The following SVEP1 variants were observed in gnomAD, a reference collection of about 807,000 sequenced individuals.
The protein encoded by SVEP1 is sushi, von Willebrand factor type A, EGF and pentraxin domain-containing protein 1.
SVEP1 carries 164 observed loss-of-function variants against 367.3 expected under a neutral mutation model. The observed-to-expected ratio is 0.45, with a 90% CI of 0.39 to 0.51. SVEP1 has a LOEUF of 0.51. Among genes scored for constraint, SVEP1 ranks in the 20% least tolerant of loss-of-function variants. The probability of loss-of-function intolerance (pLI) is 0.00; values close to 1 mark genes in which losing one functional copy is unlikely to be tolerated. For missense variants in SVEP1, 4,117 were observed against 4,425.3 expected, an observed-to-expected ratio of 0.93 and a Z score of 1.98; for synonymous variants, 1,666 against 1,611.6, an observed-to-expected ratio of 1.03 and a Z score of -0.81.
intron 2 of SVEP1, among the ~76,000 whole-genome samples, chr9:110,548,989 G>A (rs1588103888): frequency 6.6e-6 from 1 of 152,086 alleles, no homozygotes; most frequent in African/African-American, 2.4e-5. Flanking sequence ...AGAAACTCCA[G>A]TAGAGCTAAC....
chr9:110,493,916 G>T (rs1361155712), intron 8 of SVEP1, among the ~76,000 whole-genome samples: 1 of 152,122 alleles, frequency 6.6e-6, no homozygotes, highest in Non-Finnish European at 1.5e-5. Context: ...GCTTTTAGAG[G>T]CTGCCTGCAT....
chr9:110,410,855 AG>A (rs1216994206), intron 37 of SVEP1, among the ~76,000 whole-genome samples: 3 of 152,218 alleles, frequency 2.0e-5, no homozygotes, highest in Non-Finnish European at 4.4e-5. Context: ...TCACAACCTT[AG>A]GCAGATGAAT....
chr9:110,432,937 G>A (rs1043280757), intron 30 of SVEP1, among the ~76,000 whole-genome samples: 3 of 152,174 alleles, frequency 2.0e-5, no homozygotes, highest in African/African-American at 7.2e-5. Flanking sequence ...TTGGAATTGG[G>A]GTCTTGTGGG....
intron 39 of SVEP1, among the ~76,000 whole-genome samples, chr9:110,403,077 TGA>T (rs1827887317): frequency 6.6e-6 from 1 of 152,042 alleles, no homozygotes; most frequent in South Asian, 2.1e-4. Flanking sequence ...TACAAATATT[TGA>T]GATGGAATTT....
chr9:110,487,338 CATTATGAAAA>C (rs1829295692), intron 9 of SVEP1, among the ~76,000 whole-genome samples: 1 of 152,194 alleles, frequency 6.6e-6, no homozygotes, highest in Non-Finnish European at 1.5e-5. Context: ...GCTGACTCTT[CATTATGAAAA>C]ATTAAAACTT....
At chr9:110,515,964 G>A (rs775520585) in intron 3 of SVEP1, among the ~76,000 whole-genome samples, 5 of 151,952 alleles carry the variant, frequency 3.3e-5, no homozygotes, top group Non-Finnish European at 5.9e-5. Flanking sequence ...ACTTGTCATA[G>A]TTACACAGTG....
chr9:110,369,882 T>A (rs747263594), intron 47 of SVEP1, 41 bp downstream of exon 47: 1 of 1,542,676 alleles, frequency 6.5e-7, no homozygotes, highest in Non-Finnish European at 8.9e-7. Context: ...AATTTTAGAG[T>A]CTTCATGTTA....
At chr9:110,377,134 G>T (rs1475020483) in intron 45 of SVEP1, 137 bp downstream of exon 45, 1 of 615,034 alleles carries the variant, frequency 1.6e-6, no homozygotes, top group Non-Finnish European at 2.8e-6. Context: ...ACACATATGT[G>T]CTCTGTTTGG....
chr9:110,449,582 T>C lies in SVEP1; in HGVS notation c.4103+477A>G, dbSNP rs534293282. Among the ~76,000 whole-genome samples the C allele has an allele frequency of 2.4e-4, 37 of 152,132 alleles. No individual in the cohort carries two copies. The South Asian group carries it at 6.0e-3, about 25-fold the overall frequency. On this transcript the variant is annotated intron_variant, in intron 24 of 47. Coordinates refer to ENST00000374469, the MANE Select transcript of SVEP1 (RefSeq NM_153366.4). ...CCTGTAATCCCAGCTACTTGGGAGG[T>C]TGAGGCAGGAGAATCGCTTTAAACC...
intron 18 of SVEP1, among the ~76,000 whole-genome samples, chr9:110,461,918 C>T (rs1828864122): frequency 6.6e-6 from 1 of 152,152 alleles, no homozygotes; most frequent in Non-Finnish European, 1.5e-5. Flanking sequence ...TTCGCACAAA[C>T]TGTAAACTTG....
chr9:110,391,241 A>T (rs968816385), intron 40 of SVEP1, among the ~76,000 whole-genome samples: 1 of 151,152 alleles, frequency 6.6e-6, no homozygotes, highest in Non-Finnish European at 1.5e-5. Flanking sequence ...GAACAAATGT[A>T]CAGCAACCTG....
At chr9:110,476,425 G>A in intron 13 of SVEP1, 110 bp from the exon 14 acceptor site, 1 of 790,074 alleles carries the variant, frequency 1.3e-6, no homozygotes, top group East Asian at 2.5e-5. Flanking sequence ...GGGAAGGGAG[G>A]GCCCCAGAGC....
rs762402945 is a variant in SVEP1, at chr9:110,579,555, CAG to C, written c.-14_-13del. ...AGGCGAGGCCACATCGCGCTGGAGACAGAGCGGCTGCCCCGGAGCGCAGGCGG... is the reference window on the plus strand; with the variant it reads ...AGGCGAGGCCACATCGCGCTGGAGACAGCGGCTGCCCCGGAGCGCAGGCGG... On this transcript the variant is annotated 5_prime_UTR_variant, in exon 1 of 48. Coordinates refer to ENST00000374469, the MANE Select transcript of SVEP1 (RefSeq NM_153366.4). This position sits in a 1 kb window ranked among gnomAD's most constrained non-coding sequence, Gnocchi z 5.3. 2.6e-5 allele frequency: 41 copies of C among 1,574,448 alleles called. No individual in the cohort carries two copies. The South Asian group carries it at 3.0e-4, about 12-fold the overall frequency.
intron 8 of SVEP1, among the ~76,000 whole-genome samples, chr9:110,491,286 A>G (rs544993558): frequency 6.6e-6 from 1 of 152,030 alleles, no homozygotes; most frequent in Admixed American, 6.5e-5. Context: ...ATGCTCAAAA[A>G]TATATTAACA....
At position 110,512,208 on chromosome 9, in the gene SVEP1, G is replaced by A. The variant is rs557319131; in HGVS notation, c.1303+718C>T. On this transcript the variant is annotated intron_variant, in intron 5 of 47. Transcript: ENST00000374469. ...TTTGTGGGCAGGGATTCTGATGGAGGTCCTCAAGTCCCTTTGCTCGCCCCC... is the reference window on the plus strand; with the variant it reads ...TTTGTGGGCAGGGATTCTGATGGAGATCCTCAAGTCCCTTTGCTCGCCCCC... 2.0e-5 allele frequency among the ~76,000 whole-genome samples: 3 copies of A among 152,186 alleles called. No homozygotes were observed. The South Asian group carries it at 6.2e-4, about 32-fold the overall frequency.
chr9:110,554,768 A>C (rs1034824487), intron 1 of SVEP1, among the ~76,000 whole-genome samples: 2 of 148,514 alleles, frequency 1.3e-5, no homozygotes, highest in African/African-American at 2.5e-5. Context: ...ATGTATTTAC[A>C]TTTTCAGTTA....
intron 36 of SVEP1, among the ~76,000 whole-genome samples, chr9:110,415,516 A>G (rs1486312020): frequency 6.6e-6 from 1 of 152,060 alleles, no homozygotes; most frequent in Non-Finnish European, 1.5e-5. Context: ...GAGAAGTGGA[A>G]GAAGACGGTA....
At chr9:110,535,630 C>G (rs372311653) in intron 3 of SVEP1, among the ~76,000 whole-genome samples, 23 of 152,156 alleles carry the variant, frequency 1.5e-4, no homozygotes, top group African/African-American at 4.8e-4. Context: ...CTGATTCTTC[C>G]TACCCATGAG....
intron 27 of SVEP1, chr9:110,443,241 A>C (rs2118589190): frequency 4.0e-6 from 1 of 251,550 alleles, no homozygotes; most frequent in Non-Finnish European, 7.5e-6. Flanking sequence ...TAAAATAAAC[A>C]AAAAATACCA....
Sources: gnomAD v4.1 joint callset for allele counts (sites outside exome capture counted in the v4.1 genomes callset) on GRCh38, gnomAD v4.1.1 for gene constraint, Gnocchi (gnomAD v3.1) non-coding constraint, MANE v1.5 for transcripts, NCBI Gene and HGNC (gene_info 2026-07-23, HGNC 2026-07-21) for gene names.